FER1L5: variants seen among roughly 807,000 people sequenced by gnomAD.
The protein encoded by FER1L5 is fer-1-like protein 5.
FER1L5 carries 187 observed loss-of-function variants against 279.9 expected under a neutral mutation model. The observed-to-expected ratio is 0.67, with a 90% confidence interval of 0.59 to 0.75. The LOEUF (loss-of-function observed/expected upper bound fraction) is 0.75, where lower values mean the gene tolerates loss of function less well. Ranked by LOEUF, FER1L5 falls within the 30% of genes least tolerant of loss-of-function variation. FER1L5 has a pLI of 0.00. For missense variants in FER1L5, 2,091 were observed against 2,594.4 expected (o/e 0.81, Z 4.21); for synonymous variants, 921 against 989.7 (o/e 0.93, Z 1.30).
At chr2:96,662,524 C>T (rs1400955052) in intron 13 of FER1L5, among the ~76,000 whole-genome samples, 2 of 151,966 alleles carry the variant, frequency 1.3e-5, no homozygotes, top group Admixed American at 6.6e-5. Context: ...TGAACACCAT[C>T]GAAACTGTCG....
intron 5 of FER1L5, 62 bp downstream of exon 5, chr2:96,649,739 G>A: frequency 3.3e-6 from 5 of 1,516,334 alleles, no homozygotes; most frequent in Non-Finnish European, 4.5e-6. Flanking sequence ...TGCACAGCTG[G>A]ATGGGTTCTT....
At chr2:96,661,481 G>GCCT in intron 11 of FER1L5, 41 bp downstream of exon 11, 1 of 1,537,732 alleles carries the variant, frequency 6.5e-7, no homozygotes, top group Non-Finnish European at 8.8e-7. Flanking sequence ...TATCCTGGCT[G>GCCT]CCTCCTGGGG....
Position 96,689,327 on chromosome 2 carries a change from C to A in FER1L5, c.2476C>A (p.Pro826Thr). 5 of 1,550,714 alleles carry A rather than the reference C, an allele frequency of 3.2e-6. No homozygotes were observed. Among genetic ancestry groups the A allele is most frequent in the Non-Finnish European group, 4.4e-6 (5 of 1,146,750 alleles). The stretch of plus-strand genomic sequence containing the variant: ...CCTCCCCATGACGGATTTCCAACCA[C>A]CCCTGGGATGGCACTGGCAGGACAG... ...KTLPMTDFQP[P>T]LGWHWQDSWT... The change falls in exon 25 of 53, where the codon CCC (proline) becomes ACC (threonine). Residue 826 changes from proline to threonine, a missense_variant. Pro to Thr is a conservative substitution (Grantham distance 38, BLOSUM62 -1). Coordinates refer to ENST00000624922, the MANE Select transcript of FER1L5 (RefSeq NM_001293083.2). The surrounding 1 kb of genome is among the most constrained non-coding windows in gnomAD (Gnocchi z 4.6).
chr2:96,696,002 C>T (rs754810819), intron 36 of FER1L5, 50 bp from the exon 37 acceptor site: 3 of 1,611,392 alleles, frequency 1.9e-6, no homozygotes, highest in African/African-American at 2.7e-5. Context: ...GTGCTTCCTC[C>T]TCAGCCCTCT....
chr2:96,657,538 A>C (rs2075646822), intron 9 of FER1L5, among the ~76,000 whole-genome samples: 1 of 152,052 alleles, frequency 6.6e-6, no homozygotes, highest in Non-Finnish European at 1.5e-5. Context: ...TCACCTCCAA[A>C]AGTTGTCTGA....
At position 96,642,873 on chromosome 2, in the gene FER1L5, C is replaced by A; in HGVS notation, c.37C>A (p.Pro13Thr). 6.4e-7 allele frequency: 1 copy of A among 1,550,956 alleles called. No homozygotes were observed. Among genetic ancestry groups the A allele is most frequent in the Non-Finnish European group, 8.7e-7 (1 of 1,146,654 alleles). The part of the protein sequence containing the change: ...RLVVQSAKID[P>T]PLAPLPRPCM... ...TGTGGTGCAGTCGGCCAAGATTGAC[C>A]CACCACTAGCCCCACTACCCAGGCC... The change falls in exon 1 of 53, where the codon CCA becomes ACA. Residue 13 changes from proline (P) to threonine (T), a missense_variant. Coordinates refer to ENST00000624922, the MANE Select transcript of FER1L5 (RefSeq NM_001293083.2).
intron 1 of FER1L5, among the ~76,000 whole-genome samples, chr2:96,645,410 A>C (rs1331694689): frequency 1.3e-5 from 2 of 152,198 alleles, no homozygotes; most frequent in East Asian, 1.9e-4. Context: ...CAGACCTGGC[A>C]GTGGCAAATA....
chr2:96,667,347 CTTTTTTT>C lies in FER1L5; in HGVS notation c.1141-1393_1141-1387del, dbSNP rs551114241. Among the ~76,000 whole-genome samples, 22 of 139,136 alleles carry C rather than the reference CTTTTTTT, an allele frequency of 1.6e-4. No homozygotes were observed. The East Asian group carries it at 4.5e-3, about 29-fold the overall frequency. The allele number at this position is 139,136 out of a possible 152,430, so 91.3% of individuals were successfully genotyped here. A position where few individuals can be genotyped will look rare whatever the true frequency, so the allele number is the denominator to read the frequency against. ...AAAGAGGCAGCTATTATTATTTATTCTTTTTTTTTTTTTTTTTGAGACGGAGTTTCGC... is the reference window on the plus strand; with the variant it reads ...AAAGAGGCAGCTATTATTATTTATTCTTTTTTTTTTGAGACGGAGTTTCGC... On this transcript the variant is annotated intron_variant, in intron 14 of 52. Transcript: ENST00000624922.
rs1260173913 is a variant in FER1L5 at position 96,642,935 on chromosome 2, T to A, written c.85+14T>A. The stretch of plus-strand genomic sequence containing the variant: ...TCGACTTCAGAGGTGAGAGCCTCCC[T>A]GGGTCCACATGGGAGAGAGAAGCCC... On this transcript the variant is annotated intron_variant, in intron 1 of 52. Transcript: ENST00000624922. 5 of 1,547,282 alleles carry A rather than the reference T, an allele frequency of 3.2e-6. No homozygotes were observed. The highest frequency in any genetic ancestry group is 4.4e-6 in the Non-Finnish European group (5 of 1,144,686).
At position 96,642,935 on chromosome 2, in the gene FER1L5, TG is replaced by T; in HGVS notation, c.85+17del. On this transcript the variant is annotated intron_variant, in intron 1 of 52. Coordinates refer to ENST00000624922, the MANE Select transcript of FER1L5 (RefSeq NM_001293083.2). ...TCGACTTCAGAGGTGAGAGCCTCCC[TG>T]GGTCCACATGGGAGAGAGAAGCCCC... 1.3e-6 allele frequency: 2 copies of T among 1,547,282 alleles called. No individual in the cohort carries two copies. Among genetic ancestry groups the T allele is most frequent in the Admixed American group, 2.0e-5 (1 of 50,448 alleles).
intron 19 of FER1L5, among the ~76,000 whole-genome samples, chr2:96,674,919 A>G (rs2076457060): frequency 6.6e-6 from 1 of 152,236 alleles, no homozygotes; most frequent in African/African-American, 2.4e-5. Context: ...TGCTCTTCCC[A>G]GATTCCTTCA....
chr2:96,662,288 A>G, intron 13 of FER1L5, 21 bp downstream of exon 13: 1 of 1,550,518 alleles, frequency 6.4e-7, no homozygotes, highest in Non-Finnish European at 8.7e-7. Flanking sequence ...AAATATTCTG[A>G]GACCCAGAGA....
intron 9 of FER1L5, among the ~76,000 whole-genome samples, chr2:96,659,290 TTTCCTTCCTTCCTTCCTTCCTTCCTTCC>T (rs1179676955): frequency 2.5e-5 from 2 of 80,942 alleles, no homozygotes; most frequent in African/African-American, 9.8e-5. Flanking sequence ...TTTATCAAGC[TTTCCTTCCTTCCTTCCTTCCTTCCTTCC>T]TTCCTTCCTT....
intron 31 of FER1L5, among the ~76,000 whole-genome samples, chr2:96,692,705 C>G (rs2077199792): frequency 6.6e-6 from 1 of 152,150 alleles, no homozygotes; most frequent in African/African-American, 2.4e-5. Flanking sequence ...GAGGACGCCC[C>G]AGTGCAAGTT....
At chr2:96,692,963 G>C (rs1431728894) in intron 31 of FER1L5, among the ~76,000 whole-genome samples, 3 of 152,102 alleles carry the variant, frequency 2.0e-5, no homozygotes, top group Non-Finnish European at 4.4e-5. Flanking sequence ...CGATCACGAG[G>C]TCAGGAATTC....
intron 14 of FER1L5, among the ~76,000 whole-genome samples, chr2:96,667,161 A>G: frequency 6.6e-6 from 1 of 152,054 alleles, no homozygotes; most frequent in East Asian, 1.9e-4. Context: ...TGGCAACTGC[A>G]TGTAGCATGA....
intron 37 of FER1L5, among the ~76,000 whole-genome samples, chr2:96,697,034 G>C (rs2077410504): frequency 6.6e-6 from 1 of 152,184 alleles, no homozygotes; most frequent in African/African-American, 2.4e-5. Flanking sequence ...CCTCACCTGA[G>C]AGTTTTAAAA....
intron 23 of FER1L5, 66 bp from the exon 24 acceptor site, chr2:96,687,750 G>T: frequency 2.0e-6 from 3 of 1,538,140 alleles, no homozygotes; most frequent in Non-Finnish European, 2.6e-6. Context: ...AGCCCACTTG[G>T]GGGGTGGCCG....
chr2:96,645,463 G>A (rs780769192), intron 1 of FER1L5, among the ~76,000 whole-genome samples: 1 of 152,134 alleles, frequency 6.6e-6, no homozygotes, highest in Non-Finnish European at 1.5e-5. Context: ...ACACAGCCCC[G>A]CTTAGCTGCA....
Sources: allele counts gnomAD v4.1 joint callset (sites outside exome capture counted in the v4.1 genomes callset), GRCh38; gene constraint gnomAD v4.1.1; non-coding constraint Gnocchi (gnomAD v3.1); transcripts MANE v1.5; gene names NCBI Gene and HGNC (gene_info 2026-07-23, HGNC 2026-07-21).